The following DCC variants were observed in gnomAD, a reference collection of about 807,000 sequenced individuals.
The protein encoded by DCC is netrin receptor DCC.
DCC carries 58 observed loss-of-function variants against 172.5 expected under a neutral mutation model. The ratio of observed to expected loss-of-function variants is 0.34; its 90% CI spans 0.27 to 0.42. The LOEUF (loss-of-function observed/expected upper bound fraction) is 0.42, where lower values mean the gene tolerates loss of function less well. DCC is among the 10% of genes least tolerant of loss of function. The pLI is 1.00. For synonymous variants in DCC, 709 were observed against 644.5 expected (o/e 1.10, Z -1.52); for missense variants, 1,740 against 1,791.0 (o/e 0.97, Z 0.51).
chr18:52,611,498 T>C (rs2034276706), intron 1 of DCC, among the ~76,000 whole-genome samples: 1 of 152,178 alleles, frequency 6.6e-6, no homozygotes, highest in Admixed American at 6.5e-5. Context: ...TCTGAGCAGG[T>C]GCTGGTGGGT....
intron 12 of DCC, among the ~76,000 whole-genome samples, chr18:53,223,720 G>A (rs1354614619): frequency 6.6e-6 from 1 of 152,038 alleles, no homozygotes; most frequent in African/African-American, 2.4e-5. Flanking sequence ...TCACCCATGT[G>A]CAAAAACTTT....
chr18:52,626,567 A>G (rs2034577512), intron 1 of DCC, among the ~76,000 whole-genome samples: 1 of 152,094 alleles, frequency 6.6e-6, no homozygotes, highest in Non-Finnish European at 1.5e-5. Flanking sequence ...TCCACTGCAC[A>G]TGATAGCTAA....
At chr18:53,183,471 T>C (rs778954502) in intron 9 of DCC, among the ~76,000 whole-genome samples, 26 of 152,110 alleles carry the variant, frequency 1.7e-4, no homozygotes, top group Non-Finnish European at 3.5e-4. Context: ...ATGTGGAGAT[T>C]TTTTGAATTA....
At chr18:53,086,049 CTTCTCCT>C (rs2042882790) in intron 7 of DCC, among the ~76,000 whole-genome samples, 1 of 896 alleles carries the variant, frequency 1.1e-3, no homozygotes, top group Admixed American at 8.8e-3. Context: ...TCTCCCTCTC[CTTCTCCT>C]TCTCCTTCTC....
At chr18:52,548,014 A>G (rs2165649) in intron 1 of DCC, among the ~76,000 whole-genome samples, 23,433 of 152,100 alleles carry the variant, frequency 0.15, 2,686 homozygotes, top group East Asian at 0.51. Flanking sequence ...AAATTTGCTG[A>G]TTTCTATCCT....
At chr18:53,153,654 A>G (rs953866126) in intron 7 of DCC, among the ~76,000 whole-genome samples, 1 of 152,184 alleles carries the variant, frequency 6.6e-6, no homozygotes, top group African/African-American at 2.4e-5. Context: ...TTTTAATATT[A>G]TGTTACTTGG....
chr18:53,328,563 C>T (rs963443902), intron 14 of DCC, among the ~76,000 whole-genome samples: 3 of 152,116 alleles, frequency 2.0e-5, no homozygotes, highest in African/African-American at 7.2e-5. Context: ...TAGACAGAAT[C>T]TGGCTCTGTC....
At chr18:52,903,083 A>G (rs564258952) in intron 2 of DCC, among the ~76,000 whole-genome samples, 2 of 152,322 alleles carry the variant, frequency 1.3e-5, no homozygotes, top group African/African-American at 2.4e-5. Flanking sequence ...TAGGAAACCA[A>G]TTGTTGAGTA....
At chr18:52,501,808 G>A (rs1199197370) in intron 1 of DCC, among the ~76,000 whole-genome samples, 3 of 152,182 alleles carry the variant, frequency 2.0e-5, no homozygotes, top group Non-Finnish European at 2.9e-5. Context: ...CCTGGAGCAT[G>A]TGATAGAAAA....
chr18:52,834,071 G>T (rs955382642), intron 2 of DCC, among the ~76,000 whole-genome samples: 1 of 152,124 alleles, frequency 6.6e-6, no homozygotes, highest in Non-Finnish European at 1.5e-5. Flanking sequence ...CTCATCTGTG[G>T]CTTAGCACTG....
At chr18:53,163,274 C>T (rs553033380) in intron 8 of DCC, among the ~76,000 whole-genome samples, 8 of 152,110 alleles carry the variant, frequency 5.3e-5, no homozygotes, top group Middle Eastern at 3.4e-3. Flanking sequence ...TTTTTTCTTA[C>T]CCAGTAAAAT....
At chr18:52,704,809 A>G (rs964686473) in intron 1 of DCC, among the ~76,000 whole-genome samples, 2 of 151,930 alleles carry the variant, frequency 1.3e-5, no homozygotes, top group Admixed American at 1.3e-4. Context: ...CAACTTTTGT[A>G]TCTTTGTATG....
chr18:53,100,942 T>C (rs143505779), intron 7 of DCC, among the ~76,000 whole-genome samples: 2 of 147,052 alleles, frequency 1.4e-5, no homozygotes, highest in Non-Finnish European at 3.0e-5. Flanking sequence ...AATTTTTATG[T>C]AATGGGTGTC....
At chr18:52,381,219 AC>A (rs1941061726) in intron 1 of DCC, among the ~76,000 whole-genome samples, 1 of 152,130 alleles carries the variant, frequency 6.6e-6, no homozygotes, top group South Asian at 2.1e-4. Context: ...ATTTTTGAAG[AC>A]TGCACTTTGA....
At chr18:52,588,496 A>G (rs907299509) in intron 1 of DCC, among the ~76,000 whole-genome samples, 3 of 152,208 alleles carry the variant, frequency 2.0e-5, no homozygotes, top group Admixed American at 2.0e-4. Flanking sequence ...AAAAATCAAA[A>G]TGCTGCCTAC....
intron 25 of DCC, among the ~76,000 whole-genome samples, chr18:53,471,537 C>T (rs150273730): frequency 1.4e-3 from 211 of 152,222 alleles, no homozygotes; most frequent in African/African-American, 4.8e-3. Context: ...CAAAATCCAC[C>T]AATTTTACTA....
intron 9 of DCC, among the ~76,000 whole-genome samples, chr18:53,196,975 C>T (rs983484031): frequency 4.6e-5 from 7 of 151,942 alleles, no homozygotes; most frequent in Non-Finnish European, 8.8e-5. Flanking sequence ...AATTACATTG[C>T]CTGCAGGCTT....
chr18:52,907,326 C>A lies in DCC; in HGVS notation c.697+998C>A, dbSNP rs59797768. Among the ~76,000 whole-genome samples the A allele has an allele frequency of 9.7e-3, 359 of 37,070 alleles. 1 individual carries two copies. The highest frequency in any genetic ancestry group is 0.038 in the Middle Eastern group (1 of 26). 24.3% of individuals were successfully genotyped at this position (37,070 alleles called of 152,430 possible). A position where few individuals can be genotyped will look rare whatever the true frequency, so the allele number is the denominator to read the frequency against. On this transcript the variant is annotated intron_variant, in intron 3 of 28. Coordinates refer to ENST00000442544, the MANE Select transcript of DCC (RefSeq NM_005215.4). The stretch of plus-strand genomic sequence containing the variant: ...TATATACATATGTATATGTATATAT[C>A]CATATGGATATATACATATATCATG...
At position 53,452,889 on chromosome 18, in the gene DCC, GGGTTTGTTTGTTT is replaced by G. The variant is rs1568141502; in HGVS notation, c.3392+2229_3392+2241del. Among the ~76,000 whole-genome samples the G allele has an allele frequency of 7.2e-5, 10 of 138,818 alleles. 1 individual carries two copies. The highest frequency in any genetic ancestry group is 2.5e-4 in the African/African-American group (9 of 36,042). The allele number at this position is 138,818 out of a possible 152,430, so 91.1% of individuals were successfully genotyped here. A position where few individuals can be genotyped will look rare whatever the true frequency, so the allele number is the denominator to read the frequency against. ...GTTATTTCTGAACTATAGTTTAGTG[GGGTTTGTTTGTTT>G]GTTTGTTTGTTTGTTTGTTTGTTTG... is the stretch of plus-strand genomic sequence containing the variant. On this transcript the variant is annotated intron_variant, in intron 23 of 28. Transcript: ENST00000442544.
Sources: allele counts gnomAD v4.1 joint callset (sites outside exome capture counted in the v4.1 genomes callset), GRCh38; gene constraint gnomAD v4.1.1; transcripts MANE v1.5; gene names NCBI Gene and HGNC (gene_info 2026-07-23, HGNC 2026-07-21).